MGMT: variants seen among roughly 807,000 people sequenced by gnomAD.
MGMT encodes methylated-DNA--protein-cysteine methyltransferase.
Under a neutral mutation model 15.9 loss-of-function variants are expected in MGMT, and 14 were observed. That is an observed-to-expected ratio of 0.88 (90% CI 0.58 to 1.37). The LOEUF (loss-of-function observed/expected upper bound fraction) is 1.37, where lower values mean the gene tolerates loss of function less well. Ranked by LOEUF, MGMT falls within the 40% of genes most tolerant of loss-of-function variation. The probability of loss-of-function intolerance (pLI) is 0.00; values close to 1 mark genes in which losing one functional copy is unlikely to be tolerated. For synonymous variants in MGMT, 130 were observed against 118.2 expected (o/e 1.10, Z -0.65); for missense variants, 282 against 268.1 (o/e 1.05, Z -0.36).
chr10:129,643,776 G>T lies in MGMT; in HGVS notation c.126-64119G>T, dbSNP rs552792497. 8.5e-5 allele frequency among the ~76,000 whole-genome samples: 13 copies of T among 152,290 alleles called. No individual in the cohort carries two copies. The East Asian group carries it at 2.5e-3, about 29-fold the overall frequency. ...CTCTCTTTGGTCTTAACAACCCAAC[G>T]TGAATTTTGTGGCATGCTACAAATT... On this transcript the variant is annotated intron_variant, in intron 2 of 4. Coordinates refer to ENST00000651593, the MANE Select transcript of MGMT (RefSeq NM_002412.5).
intron 2 of MGMT, among the ~76,000 whole-genome samples, chr10:129,669,300 G>T (rs1398584128): frequency 6.6e-6 from 1 of 152,040 alleles, no homozygotes; most frequent in East Asian, 1.9e-4. Context: ...TAAAAAGCTG[G>T]AACTATGGAT....
intron 2 of MGMT, among the ~76,000 whole-genome samples, chr10:129,654,225 C>T (rs1847498078): frequency 6.6e-6 from 1 of 152,118 alleles, no homozygotes; most frequent in Admixed American, 6.5e-5. Context: ...ACGGCAAGAC[C>T]TCAGCTTCAT....
intron 2 of MGMT, among the ~76,000 whole-genome samples, chr10:129,622,972 T>G (rs1847106929): frequency 1.3e-5 from 2 of 152,168 alleles, no homozygotes; most frequent in Non-Finnish European, 1.5e-5. Context: ...GAATGACTTA[T>G]GTCTCTGAAT....
chr10:129,536,532 C>A, intron 2 of MGMT, 155 bp downstream of exon 2: 3 of 876,982 alleles, frequency 3.4e-6, no homozygotes, highest in African/African-American at 1.7e-5. Flanking sequence ...CAGTGTGCTG[C>A]GACGGCTCCT....
At chr10:129,503,744 C>G (rs1845597974) in intron 1 of MGMT, among the ~76,000 whole-genome samples, 1 of 152,182 alleles carries the variant, frequency 6.6e-6, no homozygotes, top group African/African-American at 2.4e-5. Context: ...TTCTAATACT[C>G]AGGTAGAAGC....
chr10:129,619,639 A>G (rs1183110504), intron 2 of MGMT, among the ~76,000 whole-genome samples: 1 of 152,188 alleles, frequency 6.6e-6, no homozygotes, highest in African/African-American at 2.4e-5. Context: ...ACTTAATTTA[A>G]AAAATATATG....
intron 3 of MGMT, among the ~76,000 whole-genome samples, chr10:129,749,622 CAGTAG>C (rs1221907799): frequency 5.3e-5 from 8 of 152,152 alleles, no homozygotes; most frequent in Non-Finnish European, 1.0e-4. Context: ...GTTTTCAAAT[CAGTAG>C]AGTAAATACC....
At chr10:129,674,819 C>T (rs943239767) in intron 2 of MGMT, among the ~76,000 whole-genome samples, 13 of 152,142 alleles carry the variant, frequency 8.5e-5, no homozygotes, top group Non-Finnish European at 1.8e-4. Context: ...TGTTGGGGTC[C>T]GTGCTAGGAA....
At position 129,707,987 on chromosome 10, in the gene MGMT, C is replaced by T. The variant is rs1848185943; in HGVS notation, c.218C>T (p.Pro73Leu). The T allele has an allele frequency of 1.2e-6, 2 of 1,613,744 alleles. No homozygotes were observed. Among genetic ancestry groups the T allele is most frequent in the East Asian group, 2.2e-5 (1 of 44,872 alleles). The change falls in exon 3 of 5, where the codon CCC becomes CTC. Residue 73 changes from proline to leucine, a missense_variant. Pro to Leu is a moderately conservative substitution (Grantham distance 98). Coordinates refer to ENST00000651593, the MANE Select transcript of MGMT (RefSeq NM_002412.5). The stretch of plus-strand genomic sequence containing the variant: ...TGGCTGAATGCCTATTTCCACCAGC[C>T]CGAGGCTATCGAAGAGTTCCCCGTG... ...TAWLNAYFHQ[P>L]EAIEEFPVPA...
intron 2 of MGMT, among the ~76,000 whole-genome samples, chr10:129,704,494 G>T (rs1424351783): frequency 6.6e-6 from 1 of 152,140 alleles, no homozygotes; most frequent in Non-Finnish European, 1.5e-5. Flanking sequence ...ATCTGGGTAA[G>T]GCGGCAGTTT....
At chr10:129,505,633 C>G (rs1845617511) in intron 1 of MGMT, among the ~76,000 whole-genome samples, 1 of 152,090 alleles carries the variant, frequency 6.6e-6, no homozygotes, top group South Asian at 2.1e-4. Flanking sequence ...TATCTCAAGT[C>G]TTTGCTTGCT....
At chr10:129,737,392 T>C (rs1848576152) in intron 3 of MGMT, among the ~76,000 whole-genome samples, 1 of 152,088 alleles carries the variant, frequency 6.6e-6, no homozygotes, top group South Asian at 2.1e-4. Flanking sequence ...CGAGCCTTGG[T>C]TTTCAGCTCC....
chr10:129,521,761 A>G (rs1845813418), intron 1 of MGMT, among the ~76,000 whole-genome samples: 1 of 152,214 alleles, frequency 6.6e-6, no homozygotes, highest in Admixed American at 6.5e-5. Context: ...GGCCCAGGGC[A>G]AGTCCCACGA....
At chr10:129,757,653 A>G (rs777734116) in intron 3 of MGMT, among the ~76,000 whole-genome samples, 8 of 152,172 alleles carry the variant, frequency 5.3e-5, no homozygotes, top group Non-Finnish European at 7.4e-5. Context: ...AAAGTTAGGC[A>G]TAACAACAAC....
intron 1 of MGMT, among the ~76,000 whole-genome samples, chr10:129,486,074 T>C (rs1181667672): frequency 6.6e-6 from 1 of 152,172 alleles, no homozygotes; most frequent in African/African-American, 2.4e-5. Flanking sequence ...AATTTTTTTT[T>C]CTCATGGAAA....
intron 1 of MGMT, among the ~76,000 whole-genome samples, chr10:129,507,160 C>A (rs182413053): frequency 1.3e-5 from 2 of 152,194 alleles, no homozygotes; most frequent in Admixed American, 6.5e-5. Flanking sequence ...CAGGACTGAT[C>A]TAGTGTTGAA....
chr10:129,560,662 A>T (rs1332750734), intron 2 of MGMT, among the ~76,000 whole-genome samples: 1 of 152,210 alleles, frequency 6.6e-6, no homozygotes, highest in African/African-American at 2.4e-5. Flanking sequence ...GTGCCCTGAC[A>T]ATTCAGCGTT....
intron 1 of MGMT, among the ~76,000 whole-genome samples, chr10:129,481,853 G>A (rs1845361467): frequency 6.6e-6 from 1 of 152,022 alleles, no homozygotes. Context: ...CTGGCTAGAG[G>A]TTTATCTGTT....
chr10:129,492,217 G>A (rs940792674), intron 1 of MGMT, among the ~76,000 whole-genome samples: 1 of 152,070 alleles, frequency 6.6e-6, no homozygotes, highest in African/African-American at 2.4e-5. Flanking sequence ...TTCCCTTTGA[G>A]CATGGTCTTT....
Sources: gnomAD v4.1 joint callset for allele counts (sites outside exome capture counted in the v4.1 genomes callset) on GRCh38, gnomAD v4.1.1 for gene constraint, MANE v1.5 for transcripts, NCBI Gene and HGNC (gene_info 2026-07-23, HGNC 2026-07-21) for gene names.